LAMB3: variants seen among roughly 807,000 people sequenced by gnomAD.
LAMB3 encodes the protein laminin subunit beta-3.
A neutral mutation model predicts 140.3 loss-of-function variants in LAMB3; 104 were observed. The ratio of observed to expected loss-of-function variants is 0.74; its 90% CI spans 0.63 to 0.87. The LOEUF is 0.87. Ranked by LOEUF, LAMB3 falls within the 40% of genes least tolerant of loss-of-function variation. The pLI is 0.00. For missense variants in LAMB3, 1,531 were observed against 1,575.2 expected (o/e 0.97, Z 0.47); for synonymous variants, 592 against 602.9 (o/e 0.98, Z 0.26).
chr1:209,623,378 G>T lies in LAMB3; in HGVS notation c.2358+127C>A. ...GCTCACAGTGAGCAGTACAAGGGTC[G>T]GGATGGCTGGGGGAGTGGGGTTCTC... On this transcript the variant is annotated intron_variant, in intron 16 of 22. Transcript: ENST00000356082. This position sits in a 1 kb window ranked among gnomAD's most constrained non-coding sequence, Gnocchi z 4.2. 9.3e-7 allele frequency: 1 copy of T among 1,071,996 alleles called. No individual in the cohort carries two copies. The highest frequency in any genetic ancestry group is 1.9e-5 in the Admixed American group (1 of 52,608). The allele number at this position is 1,071,996 out of a possible 1,614,324, so 66.4% of individuals were successfully genotyped here.
chr1:209,630,450 C>A, intron 9 of LAMB3, 165 bp downstream of exon 9: 1 of 807,478 alleles, frequency 1.2e-6, no homozygotes, highest in East Asian at 2.5e-5. Context: ...AATACTCTCT[C>A]CATCCTCACA....
chr1:209,615,423 C>T lies in LAMB3; in HGVS notation c.3383-16G>A, dbSNP rs1665922184. The T allele has an allele frequency of 1.3e-6, 2 of 1,582,522 alleles. No individual in the cohort carries two copies. The highest frequency in any genetic ancestry group is 1.7e-5 in the Admixed American group (1 of 58,452). ...AACTCCATGTCTGAGGCAAATGGAA[C>T]AGCAGCAGGAGGAGGAGTTGATGGT... On this transcript the variant is annotated splice_polypyrimidine_tract_variant and intron_variant, in intron 22 of 22. Transcript: ENST00000356082.
At chr1:209,641,609 C>G (rs912306041) in intron 3 of LAMB3, among the ~76,000 whole-genome samples, 4 of 152,130 alleles carry the variant, frequency 2.6e-5, no homozygotes, top group African/African-American at 4.8e-5. Context: ...GCCCCAAGGC[C>G]CCAAGAAGGG....
rs1457446822 is a variant in LAMB3, at chr1:209,629,812, T to C, written c.1057A>G (p.Lys353Glu). ...TGCAGCTGACACCGCTCACAGTTCT[T>C]GCCTTCGGTGTGGTCCCGGCAATTG... ...CDNCRDHTEG[K>E]NCERCQLHYF... Residue 353 changes from lysine to glutamate, a missense_variant, in exon 10 of 23, where the codon AAG becomes GAG. Transcript: ENST00000356082. 1.2e-6 allele frequency: 2 copies of C among 1,613,980 alleles called. No homozygotes were observed. Among genetic ancestry groups the C allele is most frequent in the Non-Finnish European group, 1.7e-6 (2 of 1,180,038 alleles).
In LAMB3 at chr1:209,650,109, C is replaced by G; in HGVS notation, c.38G>C (p.Gly13Ala). The G allele has an allele frequency of 6.2e-7, 1 of 1,613,254 alleles. No homozygotes were observed. Among genetic ancestry groups the G allele is most frequent in the Non-Finnish European group, 8.5e-7 (1 of 1,179,726 alleles). ...GCAGGCTTGTTGGGCATGCAGGAGG[C>G]CAGGCAGGGCTGAAATCACAGGGAT... ...PFFLLCFALP[G>A]LLHAQQACSR... Residue 13 changes from glycine to alanine, a missense_variant, in exon 3 of 23, where the codon GGC (glycine) becomes GCC (alanine). By Grantham distance (60) the Gly-to-Ala change is moderately conservative. Transcript: ENST00000356082.
At chr1:209,621,441 C>A (rs1381863049) in intron 18 of LAMB3, among the ~76,000 whole-genome samples, 1 of 152,174 alleles carries the variant, frequency 6.6e-6, no homozygotes, top group African/African-American at 2.4e-5. Context: ...GGGACTTCGG[C>A]CTATCTGGGG....
rs752716711 is a variant in LAMB3, at chr1:209,630,636, G to A, written c.922C>T (p.Gln308Ter). 6.2e-7 allele frequency: 1 copy of A among 1,614,172 alleles called. No homozygotes were observed. The highest frequency in any genetic ancestry group is 8.5e-7 in the Non-Finnish European group (1 of 1,180,026). The change falls in exon 9 of 23, where the codon CAG becomes TAG. Residue 308 changes from glutamine to a stop codon, truncating the protein, a stop_gained. Coordinates refer to ENST00000356082, the MANE Select transcript of LAMB3 (RefSeq NM_000228.3). LOFTEE classifies it high-confidence loss of function. Reference sequence around the variant, plus strand: ...CTACTTTGGCATTCATGGGCGTCCTGGCCCTCCGCCGGTCTCCAGGGCCGG... The same window carrying A: ...CTACTTTGGCATTCATGGGCGTCCTAGCCCTCCGCCGGTCTCCAGGGCCGG... ...NNRPWRPAEG[Q>*]DAHECQRCDC... is the part of the protein sequence containing the mutation.
chr1:209,627,411 T>G lies in LAMB3; in HGVS notation c.1457A>C (p.His486Pro). Reference protein sequence around the residue: ...QGCEPCACDPHNSLSPQCNQF... With the variant: ...QGCEPCACDPPNSLSPQCNQF... ...GTTGCACTGTGGGCTGAGGGAGTTG[T>G]GCGGGTCGCAGGCACACGGTTCACA... The change falls in exon 12 of 23, where the codon CAC (histidine) becomes CCC (proline). Residue 486 changes from histidine to proline, a missense_variant. His to Pro is a moderately conservative substitution (Grantham distance 77). Transcript: ENST00000356082. 1 of 1,613,704 alleles carries G rather than the reference T, an allele frequency of 6.2e-7. No homozygotes were observed. Among genetic ancestry groups the G allele is most frequent in the Non-Finnish European group, 8.5e-7 (1 of 1,179,924 alleles).
At chr1:209,636,092 C>CCCCATTATT (rs1031962173) in intron 5 of LAMB3, among the ~76,000 whole-genome samples, 1 of 151,932 alleles carries the variant, frequency 6.6e-6, no homozygotes, top group Non-Finnish European at 1.5e-5. Context: ...CCCCACCCTG[C>CCCCATTATT]CCCATTATTT....
chr1:209,638,486 C>T, intron 4 of LAMB3, 48 bp downstream of exon 4: 1 of 1,248,978 alleles, frequency 8.0e-7, no homozygotes, highest in East Asian at 2.3e-5. Flanking sequence ...TCCGTCTTAT[C>T]CTGTGGAGGC....
At position 209,627,259 on chromosome 1, in the gene LAMB3, G is replaced by A. The variant is rs546411577; in HGVS notation, c.1485+124C>T. ...GGTGACTTCCCCAAATGAGAACGGG[G>A]ACAGAAGACGCCCAGTCTGACAGGG... On this transcript the variant is annotated intron_variant, in intron 12 of 22. Coordinates refer to ENST00000356082, the MANE Select transcript of LAMB3 (RefSeq NM_000228.3). The A allele has an allele frequency of 4.9e-6, 4 of 813,504 alleles. No individual in the cohort carries two copies. The Admixed American group carries it at 9.9e-5, about 20-fold the overall frequency. 50.4% of individuals were successfully genotyped at this position (813,504 alleles called of 1,614,324 possible).
chr1:209,629,523 CTTGA>C (rs2102428196), intron 10 of LAMB3, among the ~76,000 whole-genome samples: 1 of 152,228 alleles, frequency 6.6e-6, no homozygotes, highest in Non-Finnish European at 1.5e-5. Flanking sequence ...AAGCCTAACT[CTTGA>C]TTGATTGTCT....
chr1:209,649,873 AC>A (rs1469851647), intron 3 of LAMB3, 90 bp downstream of exon 3: 1 of 1,451,934 alleles, frequency 6.9e-7, no homozygotes, highest in African/African-American at 1.4e-5. Context: ...CTTGGCCTAC[AC>A]CAAGTACATT....
rs1571841504 is a variant in LAMB3 at position 209,649,614 on chromosome 1, T to C, written c.183+350A>G. Reference sequence around the variant, plus strand: ...ACACATCCCAGCACCAAATAACACATGAGGCTCCATACACATAAACGGCCA... The same window carrying C: ...ACACATCCCAGCACCAAATAACACACGAGGCTCCATACACATAAACGGCCA... On this transcript the variant is annotated intron_variant, in intron 3 of 22. Coordinates refer to ENST00000356082, the MANE Select transcript of LAMB3 (RefSeq NM_000228.3). Among the ~76,000 whole-genome samples, 6 of 152,128 alleles carry C rather than the reference T, an allele frequency of 3.9e-5. No individual in the cohort carries two copies. The South Asian group carries it at 1.2e-3, about 31-fold the overall frequency.
intron 17 of LAMB3, 119 bp from the exon 18 acceptor site, chr1:209,622,799 C>A (rs1428529913): frequency 3.5e-6 from 5 of 1,427,566 alleles, no homozygotes; most frequent in Non-Finnish European, 4.9e-6. Context: ...TTGTAACCAA[C>A]CCAGCTTACA....
chr1:209,630,746 G>T lies in LAMB3; in HGVS notation c.823-11C>A. On this transcript the variant is annotated splice_polypyrimidine_tract_variant and intron_variant, in intron 8 of 22. Transcript: ENST00000356082. Reference sequence around the variant, plus strand: ...ACAGACATCGTGGACCTGGGAGGGGGACCGTCAGCCATCAGGAGTAATCAA... The same window carrying T: ...ACAGACATCGTGGACCTGGGAGGGGTACCGTCAGCCATCAGGAGTAATCAA... The T allele has an allele frequency of 6.2e-7, 1 of 1,613,564 alleles. No homozygotes were observed. The highest frequency in any genetic ancestry group is 1.3e-5 in the African/African-American group (1 of 75,016).
chr1:209,648,315 C>G (rs147479763), intron 3 of LAMB3, among the ~76,000 whole-genome samples: 1,690 of 152,314 alleles, frequency 0.011, 19 homozygotes, highest in Non-Finnish European at 0.018. Flanking sequence ...GGGGTAATCT[C>G]TTGCCCAAGG....
At position 209,615,460 on chromosome 1, in the gene LAMB3, A is replaced by G. The variant is rs189296953; in HGVS notation, c.3383-53T>C. The stretch of plus-strand genomic sequence containing the variant: ...GAGGAGTTGATGGTGAGACTCCCCA[A>G]GACTCCCAACCCTTCCTTCCCCTCC... On this transcript the variant is annotated intron_variant, in intron 22 of 22. Transcript: ENST00000356082. The G allele has an allele frequency of 4.9e-5, 75 of 1,543,398 alleles. No individual in the cohort carries two copies. In the African/African-American group the frequency reaches 5.8e-4, roughly 12 times the overall value.
At chr1:209,639,027 T>C (rs774430205) in intron 3 of LAMB3, among the ~76,000 whole-genome samples, 1 of 151,468 alleles carries the variant, frequency 6.6e-6, no homozygotes, top group Non-Finnish European at 1.5e-5. Flanking sequence ...ATCTACGACA[T>C]ACTGGGCACA....
Sources: gnomAD v4.1 joint callset for allele counts (sites outside exome capture counted in the v4.1 genomes callset) on GRCh38, gnomAD v4.1.1 for gene constraint, Gnocchi (gnomAD v3.1) non-coding constraint, MANE v1.5 for transcripts, NCBI Gene and HGNC (gene_info 2026-07-23, HGNC 2026-07-21) for gene names.